Variants in GRM7 observed in about 807,000 individuals in gnomAD.
GRM7 encodes metabotropic glutamate receptor 7.
A neutral mutation model predicts 84.5 loss-of-function variants in GRM7; 35 were observed. That is an observed-to-expected ratio of 0.41 (90% CI 0.32 to 0.55). The LOEUF (loss-of-function observed/expected upper bound fraction) is 0.55. Among genes scored for constraint, GRM7 ranks in the 20% least tolerant of loss-of-function variants. The pLI is 0.19. For synonymous variants in GRM7, 487 were observed against 455.1 expected (o/e 1.07, Z -0.89); for missense variants, 1,003 against 1,194.6 (o/e 0.84, Z 2.36).
chr3:6,881,280 C>T (rs1316779503), intron 1 of GRM7, among the ~76,000 whole-genome samples: 1 of 152,088 alleles, frequency 6.6e-6, no homozygotes, highest in Admixed American at 6.6e-5. Context: ...TTTCCTAATG[C>T]TCTCCCTTCC....
At chr3:7,710,372 A>G (rs1449443458) in intron 9 of GRM7, among the ~76,000 whole-genome samples, 2 of 152,184 alleles carry the variant, frequency 1.3e-5, no homozygotes, top group Non-Finnish European at 2.9e-5. Context: ...GATTTTGCAC[A>G]AAGTGCAGCC....
intron 1 of GRM7, among the ~76,000 whole-genome samples, chr3:7,047,241 C>A (rs1244790152): frequency 6.6e-6 from 1 of 151,796 alleles, no homozygotes; most frequent in Non-Finnish European, 1.5e-5. Context: ...GACTGTATGG[C>A]CTGAAAGCTG....
intron 4 of GRM7, among the ~76,000 whole-genome samples, chr3:7,359,765 A>G (rs914511414): frequency 4.0e-5 from 6 of 148,640 alleles, no homozygotes; most frequent in Non-Finnish European, 8.9e-5. Flanking sequence ...GGCACATGAT[A>G]GGTGTGCAGA....
intron 1 of GRM7, among the ~76,000 whole-genome samples, chr3:7,127,745 T>C (rs1166023200): frequency 2.0e-5 from 3 of 152,164 alleles, no homozygotes; most frequent in African/African-American, 7.2e-5. Flanking sequence ...GTTTCAAATC[T>C]AAAAGAAACT....
intron 8 of GRM7, among the ~76,000 whole-genome samples, chr3:7,588,684 C>T (rs1695633494): frequency 6.6e-6 from 1 of 152,168 alleles, no homozygotes; most frequent in Non-Finnish European, 1.5e-5. Context: ...ACTACACTAG[C>T]ACTTCCTTGA....
intron 1 of GRM7, among the ~76,000 whole-genome samples, chr3:6,979,536 T>A (rs1377980802): frequency 6.6e-6 from 1 of 152,086 alleles, no homozygotes; most frequent in African/African-American, 2.4e-5. Flanking sequence ...TATTAACAGC[T>A]AAAAAAGTCA....
Position 6,980,678 on chromosome 3 carries a change from A to G in GRM7, c.519+118771A>G, listed in dbSNP as rs543459028. Among the ~76,000 whole-genome samples, 12 of 152,350 alleles carry G rather than the reference A, an allele frequency of 7.9e-5. No homozygotes were observed. In the East Asian group the frequency reaches 1.7e-3, roughly 22 times the overall value. On this transcript the variant is annotated intron_variant, in intron 1 of 9. Coordinates refer to ENST00000357716, the MANE Select transcript of GRM7 (RefSeq NM_000844.4). ...ACACACCTGATATACATGTAATGAG[A>G]TGTTCACAGGTCTCTTAGCCACTCA...
At chr3:6,938,896 C>G (rs1321128615) in intron 1 of GRM7, among the ~76,000 whole-genome samples, 1 of 152,146 alleles carries the variant, frequency 6.6e-6, no homozygotes, top group Non-Finnish European at 1.5e-5. Context: ...CATTGATATT[C>G]CTTCTTATTA....
chr3:7,330,179 A>G (rs888222947), intron 4 of GRM7, among the ~76,000 whole-genome samples: 1 of 152,186 alleles, frequency 6.6e-6, no homozygotes, highest in South Asian at 2.1e-4. Context: ...TTTGTCAAAT[A>G]TATATTGAAT....
At chr3:7,085,200 A>T (rs1384923802) in intron 1 of GRM7, among the ~76,000 whole-genome samples, 1 of 152,176 alleles carries the variant, frequency 6.6e-6, no homozygotes, top group Non-Finnish European at 1.5e-5. Flanking sequence ...GCACCTATTA[A>T]TTTAATTTTG....
At chr3:6,973,641 A>C (rs570155289) in intron 1 of GRM7, among the ~76,000 whole-genome samples, 13 of 152,338 alleles carry the variant, frequency 8.5e-5, no homozygotes, top group African/African-American at 3.1e-4. Flanking sequence ...ATAGGAAGAA[A>C]GTAAAAGTGA....
At chr3:7,110,582 G>A (rs1244885795) in intron 1 of GRM7, among the ~76,000 whole-genome samples, 5 of 140,464 alleles carry the variant, frequency 3.6e-5, no homozygotes, top group African/African-American at 5.8e-5. Flanking sequence ...GCAAGAGAGC[G>A]ATACTCTGTC....
Position 6,862,977 on chromosome 3 carries a change from C to T in GRM7, c.519+1070C>T, listed in dbSNP as rs180850012. On this transcript the variant is annotated intron_variant, in intron 1 of 9. Coordinates refer to ENST00000357716, the MANE Select transcript of GRM7 (RefSeq NM_000844.4). The surrounding 1 kb of genome is among the most constrained non-coding windows in gnomAD (Gnocchi z 5.2). The stretch of plus-strand genomic sequence containing the variant: ...TCGCCTCCTGCTCCAGCAGCCTCTG[C>T]CCCATGGCTCCTGAGCTGCACTGGG... The T allele has an allele frequency of 2.2e-5, 10 of 456,330 alleles. No homozygotes were observed. Among genetic ancestry groups the T allele is most frequent in the Non-Finnish European group, 3.5e-5 (8 of 226,852 alleles). The allele number at this position is 456,330 out of a possible 1,614,324, so 28.3% of individuals were successfully genotyped here.
chr3:7,514,382 T>A lies in GRM7; in HGVS notation c.1515+52660T>A, dbSNP rs529064701. Among the ~76,000 whole-genome samples the A allele has an allele frequency of 9.7e-4, 147 of 152,316 alleles. 2 individuals are homozygous for A. The South Asian group carries it at 0.017, about 17-fold the overall frequency. On this transcript the variant is annotated intron_variant, in intron 7 of 9. Coordinates refer to ENST00000357716, the MANE Select transcript of GRM7 (RefSeq NM_000844.4). ...ATTGCAAATTCCTGACAAGACTCTC[T>A]GGGATAGAATCTCAAAATACCTATA...
chr3:7,332,818 G>A (rs762665578), intron 4 of GRM7, among the ~76,000 whole-genome samples: 3 of 152,222 alleles, frequency 2.0e-5, no homozygotes, highest in East Asian at 1.9e-4. Context: ...CCCACCCAAC[G>A]AGAGTCTGAG....
At chr3:7,645,736 G>A (rs750394608) in intron 8 of GRM7, among the ~76,000 whole-genome samples, 1 of 152,032 alleles carries the variant, frequency 6.6e-6, no homozygotes, top group Non-Finnish European at 1.5e-5. Flanking sequence ...GGGAGAAAGT[G>A]TTGAAAATAA....
At chr3:6,894,505 T>C (rs185672527) in intron 1 of GRM7, among the ~76,000 whole-genome samples, 101 of 152,240 alleles carry the variant, frequency 6.6e-4, no homozygotes, top group African/African-American at 2.2e-3. Context: ...TAAGCCAAAT[T>C]AATTGTAATA....
chr3:7,491,412 G>GTATATA (rs59392949), intron 7 of GRM7, among the ~76,000 whole-genome samples: 2,253 of 149,802 alleles, frequency 0.015, 55 homozygotes, highest in African/African-American at 0.049. Context: ...GATTTAGATG[G>GTATATA]TATATATATA....
At chr3:7,622,099 A>G (rs1015501567) in intron 8 of GRM7, among the ~76,000 whole-genome samples, 1 of 152,182 alleles carries the variant, frequency 6.6e-6, no homozygotes, top group African/African-American at 2.4e-5. Flanking sequence ...TTGGAAAGGC[A>G]AAATGATTTA....
Sources: gnomAD v4.1 joint callset for allele counts (sites outside exome capture counted in the v4.1 genomes callset) on GRCh38, gnomAD v4.1.1 for gene constraint, Gnocchi (gnomAD v3.1) non-coding constraint, MANE v1.5 for transcripts, NCBI Gene and HGNC (gene_info 2026-07-23, HGNC 2026-07-21) for gene names.